DLG2: variants seen among roughly 807,000 people sequenced by gnomAD.
The protein encoded by DLG2 is disks large homolog 2.
In DLG2, 45 loss-of-function variants were observed where a neutral mutation model predicts 132.5. The ratio of observed to expected loss-of-function variants is 0.34; its 90% CI spans 0.27 to 0.44. The LOEUF (loss-of-function observed/expected upper bound fraction) is 0.44, where lower values mean the gene tolerates loss of function less well. DLG2 is among the 20% of genes least tolerant of loss of function. DLG2 has a pLI of 1.00. For missense variants in DLG2, 1,045 were observed against 1,196.9 expected, an observed-to-expected ratio of 0.87 and a Z score of 1.87; for synonymous variants, 424 against 419.6, an observed-to-expected ratio of 1.01 and a Z score of -0.13.
chr11:84,390,297 A>G (rs1008944171), intron 7 of DLG2, among the ~76,000 whole-genome samples: 2 of 152,196 alleles, frequency 1.3e-5, no homozygotes, highest in Admixed American at 1.3e-4. Context: ...ACTGGTAATT[A>G]TTTATTAAAT....
intron 7 of DLG2, among the ~76,000 whole-genome samples, chr11:84,268,171 T>A (rs2097668310): frequency 6.6e-6 from 1 of 151,872 alleles, no homozygotes; most frequent in South Asian, 2.1e-4. Flanking sequence ...TGTAAACCCC[T>A]GTTTTAAAAC....
At chr11:83,866,907 C>A (rs532205076) in intron 16 of DLG2, among the ~76,000 whole-genome samples, 1 of 152,108 alleles carries the variant, frequency 6.6e-6, no homozygotes, top group African/African-American at 2.4e-5. Context: ...TGTGACTTCC[C>A]GGCTTCTTCC....
At chr11:84,483,212 C>T (rs2099142202) in intron 7 of DLG2, among the ~76,000 whole-genome samples, 1 of 152,128 alleles carries the variant, frequency 6.6e-6, no homozygotes, top group African/African-American at 2.4e-5. Flanking sequence ...GCGGGCTCAT[C>T]ACCTGAGGTC....
At chr11:84,431,383 C>A (rs2154473216) in intron 7 of DLG2, among the ~76,000 whole-genome samples, 1 of 152,240 alleles carries the variant, frequency 6.6e-6, no homozygotes, top group South Asian at 2.1e-4. Context: ...TTTATATTCA[C>A]AGTTCTCAGC....
At chr11:85,134,931 C>T (rs942204155) in intron 5 of DLG2, among the ~76,000 whole-genome samples, 1 of 152,190 alleles carries the variant, frequency 6.6e-6, no homozygotes, top group Admixed American at 6.5e-5. Flanking sequence ...TTAAACACCA[C>T]CAATAAAATC....
At chr11:85,141,606 G>A (rs1307140051) in intron 5 of DLG2, among the ~76,000 whole-genome samples, 2 of 151,728 alleles carry the variant, frequency 1.3e-5, no homozygotes, top group Non-Finnish European at 3.0e-5. Flanking sequence ...CACTTCTGAG[G>A]TATTACTCAA....
intron 17 of DLG2, among the ~76,000 whole-genome samples, chr11:83,817,669 G>A (rs1219637926): frequency 6.6e-6 from 1 of 152,130 alleles, no homozygotes; most frequent in Non-Finnish European, 1.5e-5. Context: ...GAGGCCAAGA[G>A]TTGAAAAACA....
At chr11:85,081,815 C>T (rs2067267207) in intron 6 of DLG2, among the ~76,000 whole-genome samples, 1 of 152,166 alleles carries the variant, frequency 6.6e-6, no homozygotes, top group South Asian at 2.1e-4. Context: ...CTTAATTTTT[C>T]CTCCATCCTT....
chr11:83,913,082 G>A (rs1187901316), intron 15 of DLG2, among the ~76,000 whole-genome samples: 2 of 152,094 alleles, frequency 1.3e-5, no homozygotes, highest in African/African-American at 4.8e-5. Context: ...GTTTGTGTGT[G>A]TGTAAACATC....
At chr11:84,581,831 C>T (rs186285009) in intron 6 of DLG2, among the ~76,000 whole-genome samples, 1,497 of 147,884 alleles carry the variant, frequency 0.01, 10 homozygotes, top group South Asian at 0.023. Flanking sequence ...CGCTTGAACC[C>T]GGGAGGCGGA....
intron 10 of DLG2, among the ~76,000 whole-genome samples, chr11:84,078,041 T>C (rs545669475): frequency 3.3e-5 from 5 of 152,284 alleles, no homozygotes; most frequent in African/African-American, 1.2e-4. Flanking sequence ...TCAAAATCAC[T>C]AAAATATATT....
intron 14 of DLG2, among the ~76,000 whole-genome samples, chr11:83,942,873 T>C (rs975950475): frequency 1.4e-4 from 21 of 152,394 alleles, no homozygotes; most frequent in African/African-American, 5.0e-4. Context: ...CACAATGTGA[T>C]ATGGTTTGGC....
intron 15 of DLG2, among the ~76,000 whole-genome samples, chr11:83,928,416 A>T (rs117931876): frequency 2.6e-5 from 4 of 152,256 alleles, no homozygotes; most frequent in Non-Finnish European, 5.9e-5. Flanking sequence ...TGAATTTTTC[A>T]GGAAGGATGC....
chr11:85,155,500 G>C (rs1309717469), intron 4 of DLG2, among the ~76,000 whole-genome samples: 1 of 152,140 alleles, frequency 6.6e-6, no homozygotes, highest in Non-Finnish European at 1.5e-5. Context: ...GCTGATGAAA[G>C]GGATTCGTGG....
intron 9 of DLG2, among the ~76,000 whole-genome samples, chr11:84,140,095 T>A (rs575962825): frequency 6.6e-6 from 1 of 152,220 alleles, no homozygotes; most frequent in South Asian, 2.1e-4. Context: ...ACTGAAATTG[T>A]ATGATATTAA....
At chr11:84,031,194 C>T (rs934953296) in intron 11 of DLG2, among the ~76,000 whole-genome samples, 13 of 150,816 alleles carry the variant, frequency 8.6e-5, no homozygotes, top group African/African-American at 2.9e-4. Context: ...GTACTTTTCC[C>T]ATGATTGCTC....
intron 12 of DLG2, among the ~76,000 whole-genome samples, chr11:83,966,602 T>C (rs574526950): frequency 6.6e-6 from 1 of 152,058 alleles, no homozygotes; most frequent in Non-Finnish European, 1.5e-5. Context: ...AGGTTATCCG[T>C]ATCTGGCTAC....
chr11:83,532,739 T>C lies in DLG2; in HGVS notation c.2162A>G (p.Asn721Ser). 6.2e-7 allele frequency: 1 copy of C among 1,613,266 alleles called. No individual in the cohort carries two copies. Among genetic ancestry groups the C allele is most frequent in the Non-Finnish European group, 8.5e-7 (1 of 1,179,468 alleles). ...ERARLKTVKF[N>S]AKPGVIDSKG... ...CGAATCAATCACTCCAGGTTTGGCA[T>C]TAAACTTCACTGTCTTCAATCGGGC... The change falls in exon 21 of 28, where the codon AAT (asparagine) becomes AGT (serine). Residue 721 changes from asparagine (N) to serine (S), a missense_variant. Around this residue, in one of 4 missense-constraint regions of DLG2, gnomAD observed 398 missense variants for 543.6 expected, o/e 0.73. Transcript: ENST00000376104.
intron 8 of DLG2, among the ~76,000 whole-genome samples, chr11:84,168,974 TTACA>T (rs1234949013): frequency 3.3e-5 from 5 of 152,146 alleles, no homozygotes; most frequent in Non-Finnish European, 2.9e-5. Context: ...ACACTTGACC[TTACA>T]TACAGTGTGA....
Sources: allele counts gnomAD v4.1 joint callset (sites outside exome capture counted in the v4.1 genomes callset), GRCh38; gene constraint gnomAD v4.1.1; regional missense constraint gnomAD v4.1.1; transcripts MANE v1.5; gene names NCBI Gene and HGNC (gene_info 2026-07-23, HGNC 2026-07-21).